Variants in PPM1H observed in about 807,000 individuals in gnomAD.
PPM1H encodes the protein protein phosphatase, Mg2+/Mn2+ dependent 1H.
A neutral mutation model predicts 54.9 loss-of-function variants in PPM1H; 27 were observed. The ratio of observed to expected loss-of-function variants is 0.49; its 90% CI spans 0.36 to 0.68. The LOEUF (loss-of-function observed/expected upper bound fraction) is 0.68. Among genes scored for constraint, PPM1H ranks in the 30% least tolerant of loss-of-function variants. PPM1H has a pLI of 0.00. For synonymous variants in PPM1H, 305 were observed against 270.8 expected (o/e 1.13, Z -1.24); for missense variants, 596 against 667.8 (o/e 0.89, Z 1.19).
At chr12:62,778,653 C>A (rs2076624431) in intron 4 of PPM1H, among the ~76,000 whole-genome samples, 1 of 152,176 alleles carries the variant, frequency 6.6e-6, no homozygotes, top group African/African-American at 2.4e-5. Context: ...CTCAAAGTCA[C>A]AGAAACATAA....
At chr12:62,704,310 A>T (rs1357466342) in intron 6 of PPM1H, among the ~76,000 whole-genome samples, 1 of 152,132 alleles carries the variant, frequency 6.6e-6, no homozygotes. Context: ...GAATGTTTGG[A>T]GATGGACCCA....
chr12:62,737,435 T>C lies in PPM1H; in HGVS notation c.954+67A>G. 2.7e-6 allele frequency: 3 copies of C among 1,117,184 alleles called. No individual in the cohort carries two copies. In the South Asian group the frequency reaches 4.7e-5, roughly 17 times the overall value. The allele number at this position is 1,117,184 out of a possible 1,614,324, so 69.2% of individuals were successfully genotyped here. ...TGCTCCCATGTCAGTAGCAACGTGT[T>C]CCTCCAGAACAGCTCCGATGCCATC... On this transcript the variant is annotated intron_variant, in intron 5 of 9. Transcript: ENST00000228705.
intron 1 of PPM1H, among the ~76,000 whole-genome samples, chr12:62,900,531 G>GTAA (rs57828355): frequency 0.42 from 60,266 of 142,382 alleles, 13,596 homozygotes; most frequent in Non-Finnish European, 0.5. Flanking sequence ...AACTTAAAAT[G>GTAA]TAATAATAAT....
At chr12:62,873,154 TCACATAGCCTC>T (rs1433570516) in intron 1 of PPM1H, among the ~76,000 whole-genome samples, 1 of 152,210 alleles carries the variant, frequency 6.6e-6, no homozygotes, top group Non-Finnish European at 1.5e-5. Context: ...TCCTACTCTG[TCACATAGCCTC>T]CACATGGAAA....
At chr12:62,776,407 T>C (rs912006647) in intron 4 of PPM1H, among the ~76,000 whole-genome samples, 4 of 152,246 alleles carry the variant, frequency 2.6e-5, no homozygotes, top group African/African-American at 9.6e-5. Flanking sequence ...CTCAACATTT[T>C]ACTTATGTGC....
At chr12:62,680,287 C>T (rs373113560) in intron 8 of PPM1H, among the ~76,000 whole-genome samples, 1 of 145,306 alleles carries the variant, frequency 6.9e-6, no homozygotes, top group Non-Finnish European at 1.5e-5. Flanking sequence ...TCCCTTCCTT[C>T]CTTTACTTCC....
chr12:62,669,969 C>CTTTTTTTTTTTTTT lies in PPM1H; in HGVS notation c.1246-2654_1246-2641dup, dbSNP rs1161094944. 7.8e-4 allele frequency among the ~76,000 whole-genome samples: 36 copies of CTTTTTTTTTTTTTT among 46,424 alleles called. 10 individuals carry two copies. Among genetic ancestry groups the CTTTTTTTTTTTTTT allele is most frequent in the African/African-American group, 4.1e-3 (36 of 8,778 alleles). 30.5% of individuals were successfully genotyped at this position (46,424 alleles called of 152,430 possible). A position where few individuals can be genotyped will look rare whatever the true frequency, so the allele number is the denominator to read the frequency against. Reference sequence around the variant, plus strand: ...AAAATAGTGTTTAGAGGATTGATTCCTTTTTTTTTTTTTTTTTTTTTTTTT... The same window carrying CTTTTTTTTTTTTTT: ...AAAATAGTGTTTAGAGGATTGATTCCTTTTTTTTTTTTTTTTTTTTTTTTTTTTTTTTTTTTTTT... On this transcript the variant is annotated intron_variant, in intron 8 of 9. Transcript: ENST00000228705.
At chr12:62,648,686 G>A (rs1276677365) in intron 9 of PPM1H, 50 bp from the exon 10 acceptor site, 2 of 1,587,784 alleles carry the variant, frequency 1.3e-6, no homozygotes, top group Non-Finnish European at 1.7e-6. Flanking sequence ...TCAGACAGAA[G>A]CCAGGGTCAA....
At chr12:62,923,841 CAG>C (rs372964421) in intron 1 of PPM1H, among the ~76,000 whole-genome samples, 7 of 152,324 alleles carry the variant, frequency 4.6e-5, no homozygotes, top group African/African-American at 1.7e-4. Context: ...CAGGAACTCA[CAG>C]AGTTTAGAAC....
In PPM1H at chr12:62,648,191, A is replaced by AG. The variant is rs1243063854; in HGVS notation, c.*297_*298insC. 1 of 252,654 alleles carries AG rather than the reference A, an allele frequency of 4.0e-6. No homozygotes were observed. Among genetic ancestry groups the AG allele is most frequent in the Admixed American group, 4.6e-5 (1 of 21,610 alleles). 15.7% of individuals were successfully genotyped at this position (252,654 alleles called of 1,614,324 possible). Reference sequence around the variant, plus strand: ...CCCAGCTACTCTAGATAAAATAAATATGACATATATACCCCAAATAGTCAA... The same window carrying AG: ...CCCAGCTACTCTAGATAAAATAAATAGTGACATATATACCCCAAATAGTCAA... On this transcript the variant is annotated 3_prime_UTR_variant, in exon 10 of 10. Transcript: ENST00000228705.
At chr12:62,827,536 A>G (rs1054884306) in intron 2 of PPM1H, among the ~76,000 whole-genome samples, 2 of 152,136 alleles carry the variant, frequency 1.3e-5, no homozygotes, top group Non-Finnish European at 1.5e-5. Context: ...ATACTTTGGT[A>G]AAAATCCCAG....
intron 2 of PPM1H, among the ~76,000 whole-genome samples, chr12:62,817,178 A>AAAAAAAAAC: frequency 7.2e-6 from 1 of 139,214 alleles, no homozygotes. Context: ...AAAAAAAAAA[A>AAAAAAAAAC]CTGGCCAGGC....
At chr12:62,675,786 C>G (rs1307235802) in intron 8 of PPM1H, among the ~76,000 whole-genome samples, 1 of 152,186 alleles carries the variant, frequency 6.6e-6, no homozygotes, top group South Asian at 2.1e-4. Context: ...CTTCACAGGA[C>G]TCTTCACCAC....
intron 2 of PPM1H, among the ~76,000 whole-genome samples, chr12:62,830,606 C>T (rs532113740): frequency 1.3e-3 from 193 of 152,172 alleles, no homozygotes; most frequent in African/African-American, 4.5e-3. Context: ...ATAACCATCC[C>T]AAAATTAAGT....
intron 7 of PPM1H, 136 bp downstream of exon 7, chr12:62,693,800 T>G: frequency 1.3e-6 from 1 of 748,620 alleles, no homozygotes. Context: ...GGATGATGGA[T>G]GGGATATGCT....
At position 62,871,031 on chromosome 12, in the gene PPM1H, A is replaced by G. The variant is rs1317436139; in HGVS notation, c.246-38752T>C. On this transcript the variant is annotated intron_variant, in intron 1 of 9. Transcript: ENST00000228705. ...TTCCTGAAAAAGTTAAATATACATC[A>G]TAAGATCTAGCAATTCCACTCCTAG... Among the ~76,000 whole-genome samples the G allele has an allele frequency of 3.9e-5, 6 of 152,230 alleles. No homozygotes were observed. In the South Asian group the frequency reaches 1.0e-3, roughly 26 times the overall value.
chr12:62,928,919 C>A (rs549118068), intron 1 of PPM1H, among the ~76,000 whole-genome samples: 1 of 152,194 alleles, frequency 6.6e-6, no homozygotes, highest in Non-Finnish European at 1.5e-5. Context: ...GTAAAGTCTT[C>A]CCCAGCATTG....
intron 4 of PPM1H, among the ~76,000 whole-genome samples, chr12:62,783,041 A>G (rs535711931): frequency 6.6e-6 from 1 of 152,210 alleles, no homozygotes; most frequent in South Asian, 2.1e-4. Context: ...CATGTTGCCC[A>G]GGCTGGTCTG....
At chr12:62,724,132 T>A (rs1467231846) in intron 5 of PPM1H, among the ~76,000 whole-genome samples, 2 of 152,198 alleles carry the variant, frequency 1.3e-5, no homozygotes, top group East Asian at 3.8e-4. Context: ...TACCATTAGA[T>A]CTTTTGTCCT....
Sources: gnomAD v4.1 joint callset for allele counts (sites outside exome capture counted in the v4.1 genomes callset) on GRCh38, gnomAD v4.1.1 for gene constraint, MANE v1.5 for transcripts, NCBI Gene and HGNC (gene_info 2026-07-23, HGNC 2026-07-21) for gene names.